RYK: variants seen among roughly 807,000 people sequenced by gnomAD.
RYK encodes the protein receptor like tyrosine kinase.
Under a neutral mutation model 70.2 loss-of-function variants are expected in RYK, and 21 were observed. That is an observed-to-expected ratio of 0.30 (90% CI 0.21 to 0.43). RYK has a LOEUF of 0.43. RYK is among the 20% of genes least tolerant of loss of function. The pLI, the probability that RYK is intolerant of heterozygous loss-of-function variation, is 1.00. For synonymous variants in RYK, 267 were observed against 278.0 expected (o/e 0.96, Z 0.39); for missense variants, 604 against 753.3 (o/e 0.80, Z 2.32).
intron 4 of RYK, 48 bp from the exon 5 acceptor site, chr3:134,207,573 G>A: frequency 7.9e-7 from 1 of 1,261,332 alleles, no homozygotes; most frequent in Non-Finnish European, 1.1e-6. Context: ...TCTTTTCCAT[G>A]AAAATCCTTA....
In RYK at chr3:134,175,937, T is replaced by G. The variant is rs772308530; in HGVS notation, c.1408A>C (p.Asn470His). 1 of 1,605,712 alleles carries G rather than the reference T, an allele frequency of 6.2e-7. No homozygotes were observed. The highest frequency in any genetic ancestry group is 2.2e-5 in the East Asian group (1 of 44,756). ...EVIHKDLAAR[N>H]CVIDDTLQVK... ...CAAGCTCATGGCACCTACACACAGT[T>G]CCTGGCAGCCAGGTCTTTGTGGATG... The change falls in exon 12 of 15, where the codon AAC (asparagine) becomes CAC (histidine). Residue 470 changes from asparagine (N) to histidine (H), a missense_variant. Around this residue, in one of 2 missense-constraint regions of RYK, gnomAD observed 138 missense variants for 217.4 expected, o/e 0.63. Coordinates refer to ENST00000623711, the MANE Select transcript of RYK (RefSeq NM_002958.4).
intron 4 of RYK, among the ~76,000 whole-genome samples, chr3:134,208,277 G>A (rs2014277503): frequency 6.6e-6 from 1 of 152,160 alleles, no homozygotes; most frequent in Non-Finnish European, 1.5e-5. Flanking sequence ...TTATCATTCT[G>A]CCTTACTTAA....
At chr3:134,230,953 A>G (rs944022981) in intron 1 of RYK, among the ~76,000 whole-genome samples, 2 of 152,188 alleles carry the variant, frequency 1.3e-5, no homozygotes, top group Admixed American at 6.5e-5. Flanking sequence ...AAGTTTTAGA[A>G]AAAATTAATC....
chr3:134,242,460 G>T (rs188613951), intron 1 of RYK, among the ~76,000 whole-genome samples: 1 of 152,312 alleles, frequency 6.6e-6, no homozygotes, highest in African/African-American at 2.4e-5. Context: ...CTTCACAAAT[G>T]AATGCTGTTT....
intron 8 of RYK, among the ~76,000 whole-genome samples, chr3:134,190,777 A>G (rs558446035): frequency 6.6e-6 from 1 of 152,320 alleles, no homozygotes; most frequent in East Asian, 1.9e-4. Flanking sequence ...CAGATTGCCT[A>G]TTCTATCCCA....
At chr3:134,194,575 T>A (rs2013754058) in intron 7 of RYK, among the ~76,000 whole-genome samples, 1 of 152,216 alleles carries the variant, frequency 6.6e-6, no homozygotes, top group Non-Finnish European at 1.5e-5. Context: ...GATATCTTAA[T>A]CTTATTTTAC....
chr3:134,172,893 C>T lies in RYK; in HGVS notation c.1575+2716G>A, dbSNP rs560166861. ...CCCTCATCCTGCCACCCATCACCCA[C>T]CATGCCCGATGCCTCTCTGGCTAGG... On this transcript the variant is annotated intron_variant, in intron 13 of 14. Transcript: ENST00000623711. Among the ~76,000 whole-genome samples the T allele has an allele frequency of 2.0e-4, 31 of 152,286 alleles. 1 individual carries two copies. In the South Asian group the frequency reaches 6.4e-3, roughly 32 times the overall value.
chr3:134,212,017 C>T (rs1169615997), intron 2 of RYK, among the ~76,000 whole-genome samples: 3 of 152,196 alleles, frequency 2.0e-5, no homozygotes, highest in Non-Finnish European at 2.9e-5. Context: ...CGGAGGGCCT[C>T]CTTGTGGCTG....
At position 134,250,621 on chromosome 3, in the gene RYK, G is replaced by C. The variant is rs1313860316; in HGVS notation, c.34C>G (p.Arg12Gly). 7.0e-6 allele frequency: 7 copies of C among 1,000,012 alleles called. No individual in the cohort carries two copies. Among genetic ancestry groups the C allele is most frequent in the Non-Finnish European group, 8.3e-6 (7 of 840,404 alleles). The allele number at this position is 1,000,012 out of a possible 1,614,324, so 61.9% of individuals were successfully genotyped here. ...CCGCGGGCCCCCGGGAGGCAACTCC[G>C]GCCCGGCCGCCCCAGCCGCGCCGCC... ...RGAARLGRPG[R>G]SCLPGARGLR... Residue 12 changes from arginine to glycine, a missense_variant, in exon 1 of 15, where the codon CGG (arginine) becomes GGG (glycine). By Grantham distance (125) the Arg-to-Gly change is moderately radical. Transcript: ENST00000623711.
rs925557917 is a variant in RYK, at chr3:134,221,592, T to TA, written c.354+825dup. On this transcript the variant is annotated intron_variant, in intron 2 of 14. Coordinates refer to ENST00000623711, the MANE Select transcript of RYK (RefSeq NM_002958.4). ...CTAAGTAGAAAAAAATGAAGATTTT[T>TA]AAAAATCTATATTAAAGTGGCCAAT... Among the ~76,000 whole-genome samples, 139 of 152,296 alleles carry TA rather than the reference T, an allele frequency of 9.1e-4. 1 individual carries two copies. Among genetic ancestry groups the TA allele is most frequent in the African/African-American group, 3.1e-3 (127 of 41,556 alleles).
At chr3:134,182,121 C>G (rs2013316060) in intron 10 of RYK, among the ~76,000 whole-genome samples, 2 of 150,884 alleles carry the variant, frequency 1.3e-5, no homozygotes, top group South Asian at 4.2e-4. Context: ...CACCACTGCA[C>G]TCTAGCCTGG....
At chr3:134,179,237 T>C (rs899147598) in intron 10 of RYK, 3 of 152,232 alleles carry the variant, frequency 2.0e-5, no homozygotes, top group Non-Finnish European at 4.4e-5. Context: ...TGTAAGACTA[T>C]AGATAATTTC....
At chr3:134,205,508 T>C (rs1351547123) in intron 5 of RYK, among the ~76,000 whole-genome samples, 2 of 152,198 alleles carry the variant, frequency 1.3e-5, no homozygotes, top group South Asian at 2.1e-4. Flanking sequence ...AAAAAAATTC[T>C]GAATTCTGGA....
chr3:134,202,433 T>C (rs2014054847), intron 6 of RYK: 1 of 275,704 alleles, frequency 3.6e-6, no homozygotes, highest in Non-Finnish European at 6.7e-6. Flanking sequence ...AACAGGGCTA[T>C]TTTGAAAAGG....
intron 1 of RYK, among the ~76,000 whole-genome samples, chr3:134,249,750 C>A (rs1490869250): frequency 6.6e-6 from 1 of 151,996 alleles, no homozygotes; most frequent in Admixed American, 6.6e-5. Context: ...CCAACACACC[C>A]AATGCAAAAA....
At chr3:134,243,391 T>C (rs1249187507) in intron 1 of RYK, among the ~76,000 whole-genome samples, 1 of 152,162 alleles carries the variant, frequency 6.6e-6, no homozygotes, top group African/African-American at 2.4e-5. Flanking sequence ...AGATCCAGCA[T>C]TTCATTCTCC....
chr3:134,202,993 A>G (rs2014073690), intron 5 of RYK, 119 bp from the exon 6 acceptor site: 4 of 760,484 alleles, frequency 5.3e-6, no homozygotes, highest in Non-Finnish European at 8.4e-6. Context: ...AAGATCAGTT[A>G]CCAGTAGCAT....
rs76790940 is a variant in RYK, at chr3:134,164,618, C to T, written c.1576-5245G>A. ...TTCCTTTTTATTTAGTAGTATAGCT[C>T]GTTATATGAATACTGCAGTTTACCC... On this transcript the variant is annotated intron_variant, in intron 13 of 14. Transcript: ENST00000623711. 5.5e-3 allele frequency among the ~76,000 whole-genome samples: 833 copies of T among 152,294 alleles called. 7 individuals carry two copies. Among genetic ancestry groups the T allele is most frequent in the African/African-American group, 0.019 (790 of 41,560 alleles).
chr3:134,191,972 A>G lies in RYK; in HGVS notation c.892T>C (p.Tyr298His). Residue 298 changes from tyrosine (Y) to histidine (H), a missense_variant and splice_region_variant, in exon 8 of 15, where the codon TAT becomes CAT. Transcript: ENST00000623711. The stretch of plus-strand genomic sequence containing the variant: ...TTCTTCTCTATCCGCAAGGTAGGAT[A>G]ACCTAAGGAGCCAACAAAGCCAAAC... Reference protein sequence around the residue: ...TPNNATPITSYPTLRIEKNDL... With the variant: ...TPNNATPITSHPTLRIEKNDL... The G allele has an allele frequency of 6.2e-7, 1 of 1,612,998 alleles. No individual in the cohort carries two copies. Among genetic ancestry groups the G allele is most frequent in the African/African-American group, 1.3e-5 (1 of 75,002 alleles).
Sources: allele counts gnomAD v4.1 joint callset (sites outside exome capture counted in the v4.1 genomes callset), GRCh38; gene constraint gnomAD v4.1.1; regional missense constraint gnomAD v4.1.1; transcripts MANE v1.5; gene names NCBI Gene and HGNC (gene_info 2026-07-23, HGNC 2026-07-21).